The following BIVM variants were observed in gnomAD, a reference collection of about 807,000 sequenced individuals.
The protein encoded by BIVM is basic, immunoglobulin-like variable motif containing, also known as basic immunoglobulin-like variable motif-containing protein.
A neutral mutation model predicts 61.4 loss-of-function variants in BIVM; 31 were observed. The observed-to-expected ratio is 0.51, with a 90% CI of 0.38 to 0.68. The LOEUF (loss-of-function observed/expected upper bound fraction) is 0.68. Ranked by LOEUF, BIVM falls within the 30% of genes least tolerant of loss-of-function variation. The probability of loss-of-function intolerance (pLI) is 0.00; values close to 1 mark genes in which losing one functional copy is unlikely to be tolerated. For missense variants in BIVM, 526 were observed against 596.0 expected (o/e 0.88, Z 1.22); for synonymous variants, 189 against 210.7 (o/e 0.90, Z 0.89).
intron 1 of BIVM, among the ~76,000 whole-genome samples, chr13:102,803,268 C>T (rs892432571): frequency 6.6e-6 from 1 of 151,974 alleles, no homozygotes; most frequent in Admixed American, 6.6e-5. Flanking sequence ...TTTGGGGGGC[C>T]GAGGCCAGCA....
At chr13:102,802,629 CA>C (rs1198537376) in intron 1 of BIVM, among the ~76,000 whole-genome samples, 1 of 976 alleles carries the variant, frequency 1.0e-3, no homozygotes, top group Non-Finnish European at 4.0e-3. Context: ...TGATGATCTT[CA>C]TTTTTTTTTT....
intron 8 of BIVM, among the ~76,000 whole-genome samples, chr13:102,833,386 G>A (rs1487048507): frequency 7.6e-6 from 1 of 132,368 alleles, no homozygotes; most frequent in South Asian, 2.5e-4. Flanking sequence ...GGAGTGCAGT[G>A]GTGAGATCAT....
intron 4 of BIVM, among the ~76,000 whole-genome samples, chr13:102,820,025 G>C (rs1203333766): frequency 6.6e-6 from 1 of 152,066 alleles, no homozygotes; most frequent in Non-Finnish European, 1.5e-5. Flanking sequence ...TTGTTAAGCT[G>C]ATTTAACATT....
intron 7 of BIVM, among the ~76,000 whole-genome samples, chr13:102,829,855 TA>T (rs1453072290): frequency 3.5e-5 from 5 of 144,766 alleles, no homozygotes; most frequent in East Asian, 2.3e-4. Flanking sequence ...TAAAATAAAA[TA>T]AAATAAATAA....
At chr13:102,812,508 C>G (rs2139171190) in intron 3 of BIVM, among the ~76,000 whole-genome samples, 1 of 152,142 alleles carries the variant, frequency 6.6e-6, no homozygotes, top group South Asian at 2.1e-4. Flanking sequence ...CCATCTTTCC[C>G]AGAGTTTGTT....
chr13:102,811,212 C>T (rs1879473162), intron 3 of BIVM, among the ~76,000 whole-genome samples: 1 of 152,160 alleles, frequency 6.6e-6, no homozygotes, highest in African/African-American at 2.4e-5. Context: ...TAGCTAATGT[C>T]CTTTCATTTC....
At chr13:102,827,816 G>A (rs1264459779) in intron 7 of BIVM, among the ~76,000 whole-genome samples, 1 of 152,130 alleles carries the variant, frequency 6.6e-6, no homozygotes, top group Non-Finnish European at 1.5e-5. Context: ...TATGAATTCT[G>A]ATGGTATTCA....
At chr13:102,839,250 A>G (rs1444376077) in intron 10 of BIVM, among the ~76,000 whole-genome samples, 1 of 152,144 alleles carries the variant, frequency 6.6e-6, no homozygotes, top group Non-Finnish European at 1.5e-5. Context: ...TCATATAACT[A>G]TATGAAGAAT....
At chr13:102,803,093 C>T (rs1461194436) in intron 1 of BIVM, among the ~76,000 whole-genome samples, 2 of 146,496 alleles carry the variant, frequency 1.4e-5, no homozygotes, top group Non-Finnish European at 3.0e-5. Flanking sequence ...GAGGCTGAGG[C>T]GGGAGGATTG....
Position 102,821,044 on chromosome 13 carries a change from A to G in BIVM, c.613A>G (p.Ile205Val). 1 of 1,612,130 alleles carries G rather than the reference A, an allele frequency of 6.2e-7. No homozygotes were observed. The highest frequency in any genetic ancestry group is 8.5e-7 in the Non-Finnish European group (1 of 1,179,604). ...AGTCTTTTGTGTTCTCAGGTACTGC[A>G]TAAGCCGACCACAGTATAAGACTTC... The part of the protein sequence containing the change: ...KVLDLRRWYC[I>V]SRPQYKTSCG... Residue 205 changes from isoleucine (I) to valine (V), a missense_variant, in exon 5 of 11, where the codon ATA (isoleucine) becomes GTA (valine). Transcript: ENST00000257336.
At chr13:102,806,229 G>A (rs959210655) in intron 2 of BIVM, among the ~76,000 whole-genome samples, 2 of 152,090 alleles carry the variant, frequency 1.3e-5, no homozygotes, top group African/African-American at 4.8e-5. Context: ...ATGATACTGA[G>A]CATCTTTTCA....
intron 3 of BIVM, among the ~76,000 whole-genome samples, chr13:102,813,928 C>T (rs1879677020): frequency 6.6e-6 from 1 of 152,156 alleles, no homozygotes; most frequent in African/African-American, 2.4e-5. Flanking sequence ...TTCTGGGTTT[C>T]CTCTCACCTC....
chr13:102,838,008 T>C (rs991604608), intron 9 of BIVM, among the ~76,000 whole-genome samples: 2 of 152,204 alleles, frequency 1.3e-5, no homozygotes, highest in African/African-American at 4.8e-5. Context: ...GAAGAACTTA[T>C]TGGTATAACC....
At chr13:102,823,266 CAG>C (rs1356535967) in intron 7 of BIVM, among the ~76,000 whole-genome samples, 1 of 152,144 alleles carries the variant, frequency 6.6e-6, no homozygotes, top group East Asian at 1.9e-4. Flanking sequence ...AGCACAAAGT[CAG>C]ATATATTTCT....
intron 7 of BIVM, among the ~76,000 whole-genome samples, chr13:102,825,529 C>T (rs1035997381): frequency 5.3e-5 from 8 of 152,180 alleles, no homozygotes; most frequent in Non-Finnish European, 7.3e-5. Flanking sequence ...AGGATGAAGC[C>T]TAAATTCCTG....
At chr13:102,802,241 T>A (rs1878793386) in intron 1 of BIVM, among the ~76,000 whole-genome samples, 1 of 152,218 alleles carries the variant, frequency 6.6e-6, no homozygotes. Context: ...TGCCTCTCTA[T>A]AGCTCAGTAT....
At chr13:102,826,642 C>G (rs540270413) in intron 7 of BIVM, among the ~76,000 whole-genome samples, 1 of 152,312 alleles carries the variant, frequency 6.6e-6, no homozygotes. Flanking sequence ...AGTTCTCAGT[C>G]TTGTGTCCCA....
chr13:102,839,925 A>G lies in BIVM; in HGVS notation c.*60A>G, dbSNP rs1263768635. 1.3e-6 allele frequency: 2 copies of G among 1,495,760 alleles called. No homozygotes were observed. Among genetic ancestry groups the G allele is most frequent in the African/African-American group, 2.8e-5 (2 of 71,586 alleles). The allele number at this position is 1,495,760 out of a possible 1,614,324, so 92.7% of individuals were successfully genotyped here. A position where few individuals can be genotyped will look rare whatever the true frequency, so the allele number is the denominator to read the frequency against. On this transcript the variant is annotated 3_prime_UTR_variant, in exon 11 of 11. Transcript: ENST00000257336. ...GAAACTGCTATATACAGGACTGTAT[A>G]AAGACAGTAGAAGATTTTAGTAAGC...
chr13:102,817,449 C>T (rs1266027170), intron 4 of BIVM, among the ~76,000 whole-genome samples: 2 of 152,138 alleles, frequency 1.3e-5, no homozygotes, highest in Non-Finnish European at 2.9e-5. Flanking sequence ...CCAGTATTAG[C>T]AATTCTAAGT....
Sources: allele counts gnomAD v4.1 joint callset (sites outside exome capture counted in the v4.1 genomes callset), GRCh38; gene constraint gnomAD v4.1.1; transcripts MANE v1.5; gene names NCBI Gene and HGNC (gene_info 2026-07-23, HGNC 2026-07-21).